Variants in NRXN1 observed in about 807,000 individuals in gnomAD.
NRXN1 encodes neurexin 1, also known as neurexin-1.
NRXN1 carries 39 observed loss-of-function variants against 150.9 expected under a neutral mutation model. The ratio of observed to expected loss-of-function variants is 0.26; its 90% confidence interval spans 0.20 to 0.34. The LOEUF (loss-of-function observed/expected upper bound fraction) is 0.34, where lower values mean the gene tolerates loss of function less well. Among genes scored for constraint, NRXN1 ranks in the 10% least tolerant of loss-of-function variants. The pLI is 1.00. For synonymous variants in NRXN1, 924 were observed against 757.0 expected (o/e 1.22, Z -3.62); for missense variants, 1,815 against 1,949.9 (o/e 0.93, Z 1.30).
intron 5 of NRXN1, among the ~76,000 whole-genome samples, chr2:50,749,963 C>CTTCAGA: frequency 6.6e-6 from 1 of 152,006 alleles, no homozygotes. Context: ...AAAGGCACAA[C>CTTCAGA]TTCAGATTCG....
intron 19 of NRXN1, among the ~76,000 whole-genome samples, chr2:50,081,863 T>C (rs1431181257): frequency 6.6e-6 from 1 of 152,170 alleles, no homozygotes; most frequent in Non-Finnish European, 1.5e-5. Flanking sequence ...AGGCTTGTCA[T>C]TGAGTTGGGA....
intron 18 of NRXN1, among the ~76,000 whole-genome samples, chr2:50,159,092 G>T (rs2059210195): frequency 6.6e-6 from 1 of 151,976 alleles, no homozygotes; most frequent in African/African-American, 2.4e-5. Context: ...TGTTGTTGTT[G>T]TTGTTGTTTT....
In NRXN1 at chr2:49,920,610, C is replaced by G. The variant is rs201428583; in HGVS notation, c.*1334G>C. The G allele has an allele frequency of 3.9e-5, 6 of 152,382 alleles. No homozygotes were observed. The highest frequency in any genetic ancestry group is 1.5e-4 in the African/African-American group (6 of 41,344). 9.4% of individuals were successfully genotyped at this position (152,382 alleles called of 1,614,324 possible). On this transcript the variant is annotated 3_prime_UTR_variant, in exon 23 of 23. Coordinates refer to ENST00000401669, the MANE Select transcript of NRXN1 (RefSeq NM_001330078.2). The stretch of plus-strand genomic sequence containing the variant: ...ATCAATACCTTGGCACAACCCTCTT[C>G]CTTCCTGCTTTTCAATTTGTCAATA...
At chr2:50,357,307 T>TTATTTATTTA (rs1428558247) in intron 17 of NRXN1, among the ~76,000 whole-genome samples, 7 of 144,264 alleles carry the variant, frequency 4.9e-5, no homozygotes, top group East Asian at 2.5e-4. Context: ...TATTTATTTT[T>TTATTTATTTA]TTTTTTATTT....
chr2:51,022,755 A>T (rs1669825458), intron 2 of NRXN1, among the ~76,000 whole-genome samples: 1 of 152,200 alleles, frequency 6.6e-6, no homozygotes, highest in Non-Finnish European at 1.5e-5. Flanking sequence ...TCTTACAAAG[A>T]TTACAAGCAC....
intron 5 of NRXN1, among the ~76,000 whole-genome samples, chr2:50,762,323 T>A (rs1307353676): frequency 6.6e-6 from 1 of 151,852 alleles, no homozygotes; most frequent in Non-Finnish European, 1.5e-5. Flanking sequence ...GGTCATGTAC[T>A]TTTTTAAATT....
chr2:50,308,275 A>T (rs2074830307), intron 17 of NRXN1, among the ~76,000 whole-genome samples: 1 of 151,968 alleles, frequency 6.6e-6, no homozygotes, highest in South Asian at 2.1e-4. Flanking sequence ...CACCTCCCTG[A>T]CCCTGCTAAC....
In NRXN1 at chr2:49,920,297, T is replaced by C. The variant is rs1034921633; in HGVS notation, c.*1647A>G. 1.3e-5 allele frequency: 2 copies of C among 152,506 alleles called. No homozygotes were observed. Among genetic ancestry groups the C allele is most frequent in the African/African-American group, 4.8e-5 (2 of 41,442 alleles). 9.4% of individuals were successfully genotyped at this position (152,506 alleles called of 1,614,324 possible). On this transcript the variant is annotated 3_prime_UTR_variant, in exon 23 of 23. Transcript: ENST00000401669. ...CAAAAATTACTGAAAAATACTTTCT[T>C]AGTCGAGAGAAAGTGTTTACTTTCC... is the stretch of plus-strand genomic sequence containing the variant.
intron 17 of NRXN1, among the ~76,000 whole-genome samples, chr2:50,457,649 G>T (rs963766967): frequency 6.6e-6 from 1 of 151,762 alleles, no homozygotes; most frequent in African/African-American, 2.4e-5. Context: ...TTTTTAAAAT[G>T]GGCAAAAGAA....
chr2:50,560,453 T>TTTATTTAC (rs1558938013), intron 8 of NRXN1, among the ~76,000 whole-genome samples: 3 of 149,224 alleles, frequency 2.0e-5, no homozygotes, highest in East Asian at 1.9e-4. Flanking sequence ...TATTTATTTA[T>TTTATTTAC]TTACTTAGAA....
At chr2:50,655,094 G>A (rs1686223774) in intron 5 of NRXN1, among the ~76,000 whole-genome samples, 1 of 151,740 alleles carries the variant, frequency 6.6e-6, no homozygotes, top group Non-Finnish European at 1.5e-5. Context: ...CAGTTATGTG[G>A]CCAATTTTAG....
At chr2:50,519,090 C>T (rs553458266) in intron 12 of NRXN1, among the ~76,000 whole-genome samples, 40 of 151,890 alleles carry the variant, frequency 2.6e-4, no homozygotes, top group Middle Eastern at 3.4e-3. Flanking sequence ...GGTAGCATCT[C>T]GTGTCTTGCT....
intron 9 of NRXN1, 116 bp downstream of exon 9, chr2:50,552,471 G>A: frequency 1.3e-6 from 1 of 751,260 alleles, no homozygotes; most frequent in South Asian, 1.8e-5. Flanking sequence ...ATTTCTTTTA[G>A]GCTAAAGAAA....
intron 2 of NRXN1, among the ~76,000 whole-genome samples, chr2:51,015,903 C>G (rs531899873): frequency 6.6e-6 from 1 of 151,886 alleles, no homozygotes; most frequent in Admixed American, 6.6e-5. Flanking sequence ...AAAACAGAGC[C>G]CGTACAGCCA....
chr2:49,945,211 T>A (rs1253270815), intron 21 of NRXN1: 1 of 152,164 alleles, frequency 6.6e-6, no homozygotes, highest in Non-Finnish European at 1.5e-5. Context: ...CTGCTGCTAT[T>A]TTAGAAAGGG....
At chr2:50,513,178 C>T (rs186921257) in intron 12 of NRXN1, among the ~76,000 whole-genome samples, 111 of 152,236 alleles carry the variant, frequency 7.3e-4, no homozygotes, top group South Asian at 1.7e-3. Context: ...GTGCTTTGCA[C>T]TTTGTGTAAT....
chr2:50,845,322 C>G (rs970351290), intron 5 of NRXN1, among the ~76,000 whole-genome samples: 9 of 152,170 alleles, frequency 5.9e-5, no homozygotes, highest in Non-Finnish European at 8.8e-5. Context: ...TGAGTACTTA[C>G]TATAATCCAG....
chr2:50,893,491 T>A (rs1681409586), intron 5 of NRXN1, among the ~76,000 whole-genome samples: 1 of 152,172 alleles, frequency 6.6e-6, no homozygotes, highest in South Asian at 2.1e-4. Context: ...GGTTTGGTTG[T>A]CATATCTAAA....
At chr2:50,442,112 A>G (rs1189702701) in intron 17 of NRXN1, among the ~76,000 whole-genome samples, 2 of 152,190 alleles carry the variant, frequency 1.3e-5, no homozygotes, top group Non-Finnish European at 2.9e-5. Context: ...CAAGTACCCA[A>G]GAATGAGACT....
Sources: gnomAD v4.1 joint callset for allele counts (sites outside exome capture counted in the v4.1 genomes callset) on GRCh38, gnomAD v4.1.1 for gene constraint, MANE v1.5 for transcripts, NCBI Gene and HGNC (gene_info 2026-07-23, HGNC 2026-07-21) for gene names.